The following ANKFY1 variants were observed in gnomAD, a reference collection of about 807,000 sequenced individuals.
The protein encoded by ANKFY1 is ankyrin repeat and FYVE domain-containing protein 1.
In ANKFY1, 47 loss-of-function variants were observed where a neutral mutation model predicts 128.3. The observed-to-expected ratio is 0.37, with a 90% confidence interval of 0.29 to 0.47. The LOEUF (loss-of-function observed/expected upper bound fraction) is 0.47. Ranked by LOEUF, ANKFY1 falls within the 20% of genes least tolerant of loss-of-function variation. The pLI is 1.00. For missense variants in ANKFY1, 1,222 were observed against 1,510.6 expected (o/e 0.81, Z 3.17); for synonymous variants, 553 against 601.6 (o/e 0.92, Z 1.18).
At chr17:4,214,187 TCTC>T (rs1484005818) in intron 4 of ANKFY1, among the ~76,000 whole-genome samples, 2 of 152,312 alleles carry the variant, frequency 1.3e-5, no homozygotes, top group East Asian at 1.9e-4. Context: ...AAAATTCCAC[TCTC>T]CTCCTTTTCA....
chr17:4,249,364 T>C (rs1211970556), intron 1 of ANKFY1, among the ~76,000 whole-genome samples: 1 of 152,216 alleles, frequency 6.6e-6, no homozygotes, highest in Non-Finnish European at 1.5e-5. Flanking sequence ...TGATACATTG[T>C]TTTGATTTTT....
At position 4,183,259 on chromosome 17, in the gene ANKFY1, G is replaced by A. The variant is rs2059547891; in HGVS notation, c.1952+139C>T. 4 of 984,320 alleles carry A rather than the reference G, an allele frequency of 4.1e-6. No homozygotes were observed. The South Asian group carries it at 4.6e-5, about 11-fold the overall frequency. 61.0% of individuals were successfully genotyped at this position (984,320 alleles called of 1,614,324 possible). Reference sequence around the variant, plus strand: ...GATGATATTCAGTGATGACACCGCAGTTGTGTGTTTCTAGAGCTACTGTTT... The same window carrying A: ...GATGATATTCAGTGATGACACCGCAATTGTGTGTTTCTAGAGCTACTGTTT... On this transcript the variant is annotated intron_variant, in intron 14 of 24. Transcript: ENST00000341657.
chr17:4,206,589 C>G (rs913047447), intron 6 of ANKFY1, 103 bp from the exon 7 acceptor site: 2 of 1,078,590 alleles, frequency 1.9e-6, no homozygotes, highest in African/African-American at 1.6e-5. Flanking sequence ...ATACAAATGT[C>G]AAATTTAAGT....
At chr17:4,263,216 G>C (rs911460772) in intron 1 of ANKFY1, among the ~76,000 whole-genome samples, 2 of 152,178 alleles carry the variant, frequency 1.3e-5, no homozygotes, top group African/African-American at 2.4e-5. Flanking sequence ...AGAGACCAGA[G>C]TGCCTTAAGC....
intron 1 of ANKFY1, among the ~76,000 whole-genome samples, chr17:4,256,352 C>T (rs540403494): frequency 4.6e-5 from 7 of 151,678 alleles, no homozygotes; most frequent in South Asian, 2.1e-4. Context: ...GGCGTGAACC[C>T]GGGAGGTGGA....
chr17:4,173,592 C>A, intron 20 of ANKFY1, 148 bp from the exon 21 acceptor site: 1 of 771,140 alleles, frequency 1.3e-6, no homozygotes, highest in Non-Finnish European at 2.2e-6. Context: ...TGGTCTTCAC[C>A]GCCCTCAAGG....
intron 3 of ANKFY1, among the ~76,000 whole-genome samples, chr17:4,220,886 GAGT>G (rs2060299355): frequency 6.6e-6 from 1 of 152,218 alleles, no homozygotes; most frequent in Admixed American, 6.5e-5. Flanking sequence ...TCTCTAAAAG[GAGT>G]AGACTCAGAA....
chr17:4,165,185 G>A lies in ANKFY1; in HGVS notation c.*2594C>T, dbSNP rs1227867040. On this transcript the variant is annotated 3_prime_UTR_variant, in exon 25 of 25. Coordinates refer to ENST00000341657, the MANE Select transcript of ANKFY1 (RefSeq NM_001330063.2). ...TCCGTACCTTTGTTTTAAAAACAAC[G>A]ACAACAAAAGACTGTTAGGAATACA... 1 of 152,180 alleles carries A rather than the reference G, an allele frequency of 6.6e-6. No individual in the cohort carries two copies. Among genetic ancestry groups the A allele is most frequent in the African/African-American group, 2.4e-5 (1 of 41,434 alleles). The allele number at this position is 152,180 out of a possible 1,614,324, so 9.4% of individuals were successfully genotyped here. A position where few individuals can be genotyped will look rare whatever the true frequency, so the allele number is the denominator to read the frequency against.
intron 1 of ANKFY1, among the ~76,000 whole-genome samples, chr17:4,259,709 G>A (rs1053785142): frequency 6.6e-6 from 1 of 152,232 alleles, no homozygotes; most frequent in Non-Finnish European, 1.5e-5. Context: ...TTGACAAGAG[G>A]CTAAGGATGT....
At position 4,243,856 on chromosome 17, in the gene ANKFY1, C is replaced by T. The variant is rs140064238; in HGVS notation, c.11-1408G>A. 1.8e-4 allele frequency among the ~76,000 whole-genome samples: 28 copies of T among 152,214 alleles called. No homozygotes were observed. The East Asian group carries it at 4.8e-3, about 26-fold the overall frequency. On this transcript the variant is annotated intron_variant, in intron 1 of 24. Coordinates refer to ENST00000341657, the MANE Select transcript of ANKFY1 (RefSeq NM_001330063.2). ...TTATCAGTGTTCACGAGGCGCTGGG[C>T]GCTGCACGATGGTAAGTGCACTCTG...
At chr17:4,207,785 C>T in intron 6 of ANKFY1, 148 bp downstream of exon 6, 4 of 735,074 alleles carry the variant, frequency 5.4e-6, no homozygotes, top group Non-Finnish European at 7.9e-6. Flanking sequence ...AGAAAAAGCT[C>T]AGATTGCCTT....
intron 11 of ANKFY1, 88 bp from the exon 12 acceptor site, chr17:4,185,134 C>A: frequency 8.3e-7 from 1 of 1,202,106 alleles, no homozygotes; most frequent in Non-Finnish European, 1.2e-6. Context: ...AACCTCGGGT[C>A]CTTGGCTCAT....
At chr17:4,177,102 A>C in intron 19 of ANKFY1, 24 bp downstream of exon 19, 1 of 1,547,630 alleles carries the variant, frequency 6.5e-7, no homozygotes, top group Non-Finnish European at 8.7e-7. Flanking sequence ...ATATTATTAC[A>C]TGCAATACTT....
intron 3 of ANKFY1, among the ~76,000 whole-genome samples, chr17:4,231,834 G>A (rs1477979156): frequency 1.3e-5 from 2 of 151,912 alleles, no homozygotes; most frequent in East Asian, 3.9e-4. Context: ...ATACTCAGGA[G>A]GCTGAGGTGG....
chr17:4,258,730 A>G (rs1242439889), intron 1 of ANKFY1, among the ~76,000 whole-genome samples: 1 of 152,096 alleles, frequency 6.6e-6, no homozygotes, highest in Non-Finnish European at 1.5e-5. Flanking sequence ...ACAACTGAGA[A>G]GTTAATTTTA....
chr17:4,250,887 G>C, intron 1 of ANKFY1, among the ~76,000 whole-genome samples: 1 of 152,136 alleles, frequency 6.6e-6, no homozygotes, highest in African/African-American at 2.4e-5. Context: ...CTCCCACTTT[G>C]GTCTTTTAAA....
intron 21 of ANKFY1, among the ~76,000 whole-genome samples, 168 bp from the exon 22 acceptor site, chr17:4,172,848 T>G (rs1049699526): frequency 6.6e-6 from 1 of 152,368 alleles, no homozygotes; most frequent in East Asian, 1.9e-4. Flanking sequence ...CCTAAGTGCA[T>G]GCATAACAAA....
rs2059278017 is a variant in ANKFY1, at chr17:4,169,616, A to C, written c.3287-328T>G. 6.6e-6 allele frequency among the ~76,000 whole-genome samples: 1 copy of C among 152,106 alleles called. No homozygotes were observed. The highest frequency in any genetic ancestry group is 1.5e-5 in the Non-Finnish European group (1 of 68,022). ...GAACAGAGACCACACAGCTAGACAA[A>C]CTGGCCAGGGGAACAGAGGATGGGA... On this transcript the variant is annotated intron_variant, in intron 23 of 24. Coordinates refer to ENST00000341657, the MANE Select transcript of ANKFY1 (RefSeq NM_001330063.2). This position sits in a 1 kb window ranked among gnomAD's most constrained non-coding sequence, Gnocchi z 5.0.
At position 4,182,339 on chromosome 17, in the gene ANKFY1, CGTCCTGA is replaced by C; in HGVS notation, c.1956_1962del (p.Gln653GlyfsTer16). On this transcript the variant is annotated frameshift_variant, in exon 15 of 25. Coordinates refer to ENST00000341657, the MANE Select transcript of ANKFY1 (RefSeq NM_001330063.2). LOFTEE classifies it high-confidence loss of function. ...ATGGCCAGCTGGAGGGCTGTCTCCC[CGTCCTGA>C]GTCCTGCTAGGACATGCACACCCAA... is the stretch of plus-strand genomic sequence containing the variant. 6.4e-7 allele frequency: 1 copy of C among 1,574,348 alleles called. No individual in the cohort carries two copies. The highest frequency in any genetic ancestry group is 8.6e-7 in the Non-Finnish European group (1 of 1,157,316).
Sources: gnomAD v4.1 joint callset for allele counts (sites outside exome capture counted in the v4.1 genomes callset) on GRCh38, gnomAD v4.1.1 for gene constraint, Gnocchi (gnomAD v3.1) non-coding constraint, MANE v1.5 for transcripts, NCBI Gene and HGNC (gene_info 2026-07-23, HGNC 2026-07-21) for gene names.